The following SUMF1 variants were observed in gnomAD, a reference collection of about 807,000 sequenced individuals.
SUMF1 encodes the protein sulfatase modifying factor 1.
SUMF1 carries 48 observed loss-of-function variants against 47.6 expected under a neutral mutation model. That is an observed-to-expected ratio of 1.01 (90% CI 0.80 to 1.28). The LOEUF (loss-of-function observed/expected upper bound fraction) is 1.28, where lower values mean the gene tolerates loss of function less well. Among genes scored for constraint, SUMF1 ranks in the 50% most tolerant of loss-of-function variants. The probability of loss-of-function intolerance (pLI) is 0.00; values close to 1 mark genes in which losing one functional copy is unlikely to be tolerated. For missense variants in SUMF1, 571 were observed against 485.4 expected, an observed-to-expected ratio of 1.18 and a Z score of -1.66; for synonymous variants, 230 against 192.1, an observed-to-expected ratio of 1.20 and a Z score of -1.63.
chr3:4,357,312 G>GT (rs1559241109), downstream of SUMF1, among the ~76,000 whole-genome samples: 324 of 81,922 alleles, frequency 4.0e-3, 1 homozygote, highest in Non-Finnish European at 4.4e-3. Context: ...TGTTTACGGT[G>GT]GTTTTTTTTT....
chr3:4,213,966 C>A (rs1364751442), intron 8 of SUMF1, among the ~76,000 whole-genome samples: 1 of 152,098 alleles, frequency 6.6e-6, no homozygotes, highest in Non-Finnish European at 1.5e-5. Flanking sequence ...TGATGGGAGA[C>A]TTAAACATCC....
intron 8 of SUMF1, among the ~76,000 whole-genome samples, chr3:4,375,898 CG>C (rs1259901289): frequency 4.6e-5 from 7 of 152,170 alleles, no homozygotes; most frequent in Admixed American, 2.0e-4. Context: ...ACCTAGAACA[CG>C]GGATGCTTCC....
At chr3:4,109,793 T>A (rs897986174) in intron 8 of SUMF1, among the ~76,000 whole-genome samples, 8 of 152,140 alleles carry the variant, frequency 5.3e-5, no homozygotes, top group African/African-American at 1.9e-4. Context: ...TTTAAGGACT[T>A]CTCTGCATTG....
At position 4,171,189 on chromosome 3, in the gene SUMF1, C is replaced by G. The variant is rs371385825; in HGVS notation, c.1015-102444G>C. Among the ~76,000 whole-genome samples the G allele has an allele frequency of 5.1e-4, 77 of 152,258 alleles. 1 individual carries two copies. The highest frequency in any genetic ancestry group is 1.7e-3 in the African/African-American group (71 of 41,548). Reference sequence around the variant, plus strand: ...TTCACCCCCATCATGCAGAATTTTGCTAACTACTAAGGATTTTGCCACCAT... The same window carrying G: ...TTCACCCCCATCATGCAGAATTTTGGTAACTACTAAGGATTTTGCCACCAT... On this transcript the variant is annotated intron_variant and NMD_transcript_variant, in intron 8 of 12. Transcript: ENST00000448413.
In SUMF1 at chr3:4,410,775, C is replaced by T. The variant is rs191570391; in HGVS notation, c.954+90G>A. On this transcript the variant is annotated intron_variant, in intron 7 of 8. Coordinates refer to ENST00000272902, the MANE Select transcript of SUMF1 (RefSeq NM_182760.4). ...GATTAATTTCCAGAGTATGTAAATA[C>T]CCCTCGGAAACACATGACAGCCTGG... 4.1e-5 allele frequency: 46 copies of T among 1,116,514 alleles called. No homozygotes were observed. The African/African-American group carries it at 5.6e-4, about 14-fold the overall frequency. 69.2% of individuals were successfully genotyped at this position (1,116,514 alleles called of 1,614,324 possible).
intron 9 of SUMF1, among the ~76,000 whole-genome samples, chr3:4,048,629 A>T (rs1212904739): frequency 6.6e-6 from 1 of 151,606 alleles, no homozygotes; most frequent in Admixed American, 6.6e-5. Context: ...ATTAATTTTA[A>T]TTTCCTTTTT....
chr3:4,366,516 G>A (rs1699963476), intron 8 of SUMF1, among the ~76,000 whole-genome samples: 1 of 150,092 alleles, frequency 6.7e-6, no homozygotes. Flanking sequence ...ATCGACTCCT[G>A]AGGCTTTTGT....
In SUMF1 at chr3:4,343,389, C is replaced by A. The variant is rs186818917; in HGVS notation, c.1014+32941G>T. On this transcript the variant is annotated intron_variant and NMD_transcript_variant, in intron 8 of 12. Transcript: ENST00000448413. ...TTAAGAGGTCACTGTAGATTGTGGG[C>A]AGAGAGGGGAGTGCAAACAATTTAT... Among the ~76,000 whole-genome samples, 228 of 152,290 alleles carry A rather than the reference C, an allele frequency of 1.5e-3. 1 individual carries two copies. The Middle Eastern group carries it at 0.017, about 11-fold the overall frequency.
chr3:4,341,561 A>G (rs1230745861), intron 8 of SUMF1, among the ~76,000 whole-genome samples: 2 of 152,152 alleles, frequency 1.3e-5, no homozygotes, highest in African/African-American at 4.8e-5. Flanking sequence ...TTTTAAAAAA[A>G]TTCCAGAATT....
chr3:4,221,290 A>G (rs1227996969), intron 8 of SUMF1, among the ~76,000 whole-genome samples: 3 of 152,122 alleles, frequency 2.0e-5, no homozygotes, highest in African/African-American at 7.2e-5. Context: ...CTAGTTAGAG[A>G]CATGTGGACA....
chr3:4,320,223 A>G (rs1292505246), intron 8 of SUMF1, among the ~76,000 whole-genome samples: 1 of 152,232 alleles, frequency 6.6e-6, no homozygotes. Flanking sequence ...GTACAAATGT[A>G]GGAAACAAAC....
chr3:4,123,692 G>T (rs1693595172), intron 8 of SUMF1, among the ~76,000 whole-genome samples: 1 of 152,052 alleles, frequency 6.6e-6, no homozygotes, highest in Non-Finnish European at 1.5e-5. Context: ...CCATTGTTCT[G>T]GTCCCAATTT....
intron 8 of SUMF1, among the ~76,000 whole-genome samples, chr3:4,248,541 T>C (rs914914778): frequency 6.6e-6 from 1 of 152,134 alleles, no homozygotes; most frequent in Non-Finnish European, 1.5e-5. Context: ...AGAGAAGCTT[T>C]AGACATAATT....
chr3:4,280,069 G>T (rs1459265814), intron 8 of SUMF1, among the ~76,000 whole-genome samples: 2 of 152,088 alleles, frequency 1.3e-5, no homozygotes, highest in Non-Finnish European at 2.9e-5. Context: ...AAACCACTAA[G>T]ACAGTAGATT....
rs1370599550 is a variant in SUMF1, at chr3:4,149,114, TG to T, written c.1015-80370del. 3.3e-5 allele frequency among the ~76,000 whole-genome samples: 5 copies of T among 152,276 alleles called. No individual in the cohort carries two copies. In the East Asian group the frequency reaches 9.6e-4, roughly 29 times the overall value. On this transcript the variant is annotated intron_variant and NMD_transcript_variant, in intron 8 of 12. Coordinates refer to the SUMF1 transcript ENST00000448413. Reference sequence around the variant, plus strand: ...GTTCCTTAAGAGCTCTGGAACTCTCTGGAACTTTCCTCACATGAGCGTTTTG... The same window carrying T: ...GTTCCTTAAGAGCTCTGGAACTCTCTGAACTTTCCTCACATGAGCGTTTTG...
At chr3:4,168,656 G>C (rs1369031393) in intron 8 of SUMF1, among the ~76,000 whole-genome samples, 2 of 151,910 alleles carry the variant, frequency 1.3e-5, no homozygotes, top group Non-Finnish European at 2.9e-5. Flanking sequence ...AGCAACTTTG[G>C]GTAAAAATCT....
At chr3:4,179,857 A>C (rs1220417937) in intron 8 of SUMF1, among the ~76,000 whole-genome samples, 1 of 152,162 alleles carries the variant, frequency 6.6e-6, no homozygotes, top group Non-Finnish European at 1.5e-5. Context: ...GAAAAAAACA[A>C]ACAACCCCAT....
intron 8 of SUMF1, among the ~76,000 whole-genome samples, chr3:4,118,590 C>T (rs1044327978): frequency 3.9e-5 from 6 of 152,042 alleles, no homozygotes; most frequent in African/African-American, 1.5e-4. Context: ...CTTATTGTAT[C>T]CACTTTGTCA....
intron 8 of SUMF1, among the ~76,000 whole-genome samples, chr3:4,254,510 A>G (rs1696897501): frequency 1.3e-5 from 2 of 150,182 alleles, no homozygotes; most frequent in Non-Finnish European, 3.0e-5. Context: ...AAGAAAGGGT[A>G]TCAGCAATGG....
Sources: gnomAD v4.1 joint callset for allele counts (sites outside exome capture counted in the v4.1 genomes callset) on GRCh38, gnomAD v4.1.1 for gene constraint, MANE v1.5 for transcripts, NCBI Gene and HGNC (gene_info 2026-07-23, HGNC 2026-07-21) for gene names.